The following ZBTB7C variants were observed in gnomAD, a reference collection of about 807,000 sequenced individuals.
ZBTB7C encodes the protein zinc finger and BTB domain containing 7C, also known as zinc finger and BTB domain-containing protein 7C.
In ZBTB7C, 8 loss-of-function variants were observed where a neutral mutation model predicts 25.7. That is an observed-to-expected ratio of 0.31 (90% CI 0.18 to 0.56). The LOEUF (loss-of-function observed/expected upper bound fraction) is 0.56. ZBTB7C is among the 20% of genes least tolerant of loss of function. ZBTB7C has a pLI of 0.91. For missense variants in ZBTB7C, 824 were observed against 855.2 expected (o/e 0.96, Z 0.46); for synonymous variants, 394 against 369.0 (o/e 1.07, Z -0.78).
chr18:48,029,946 G>C (rs1378144686), intron 4 of ZBTB7C, 35 bp from the exon 5 acceptor site: 1 of 1,606,702 alleles, frequency 6.2e-7, no homozygotes, highest in South Asian at 1.1e-5. Context: ...GTCCCGCAGG[G>C]AACACCAGGA....
rs201496229 is a variant in ZBTB7C at position 48,296,923 on chromosome 18, C to T, written c.-79+41251G>A. Among the ~76,000 whole-genome samples, 33 of 152,328 alleles carry T rather than the reference C, an allele frequency of 2.2e-4. No individual in the cohort carries two copies. In the East Asian group the frequency reaches 6.0e-3, roughly 28 times the overall value. Reference sequence around the variant, plus strand: ...TTCAAGACCAGCGTGGGCAACATGGCCAAACCCCGTCTCTACTAAAAGCAC... The same window carrying T: ...TTCAAGACCAGCGTGGGCAACATGGTCAAACCCCGTCTCTACTAAAAGCAC... On this transcript the variant is annotated intron_variant, in intron 2 of 4. Coordinates refer to ENST00000590800, the MANE Select transcript of ZBTB7C (RefSeq NM_001318841.2).
At chr18:48,393,415 C>T (rs1265417042) in intron 1 of ZBTB7C, among the ~76,000 whole-genome samples, 1 of 152,062 alleles carries the variant, frequency 6.6e-6, no homozygotes, top group Non-Finnish European at 1.5e-5. Flanking sequence ...CACGGCCTCA[C>T]CAACACCCTC....
rs918160386 is a variant in ZBTB7C at position 48,195,871 on chromosome 18, CT to C, written c.-78-9877del. 3.1e-4 allele frequency among the ~76,000 whole-genome samples: 47 copies of C among 151,146 alleles called. 2 individuals are homozygous for C. The highest frequency in any genetic ancestry group is 5.6e-4 in the Non-Finnish European group (38 of 67,712). On this transcript the variant is annotated intron_variant, in intron 2 of 4. Coordinates refer to ENST00000590800, the MANE Select transcript of ZBTB7C (RefSeq NM_001318841.2). ...TTAGTTTTCATAGAAATATTTTCTT[CT>C]TTTTTTTTGCAACAGTATTTAATTG...
At chr18:48,152,734 G>A (rs531089041) in intron 3 of ZBTB7C, among the ~76,000 whole-genome samples, 8 of 152,310 alleles carry the variant, frequency 5.3e-5, no homozygotes, top group Non-Finnish European at 1.0e-4. Context: ...ATTTGGTTTC[G>A]CAACTTTTCC....
chr18:48,161,800 G>A (rs1011969368), intron 3 of ZBTB7C, among the ~76,000 whole-genome samples: 2 of 147,546 alleles, frequency 1.4e-5, no homozygotes, highest in African/African-American at 5.1e-5. Context: ...TCCACTCTGC[G>A]CCCCCGCGGC....
At chr18:48,335,978 A>G (rs772228048) in intron 2 of ZBTB7C, among the ~76,000 whole-genome samples, 3 of 152,116 alleles carry the variant, frequency 2.0e-5, no homozygotes, top group Non-Finnish European at 4.4e-5. Context: ...ACCTCACTCC[A>G]GGTCACAAGT....
chr18:48,228,495 C>T (rs778711993), intron 2 of ZBTB7C, among the ~76,000 whole-genome samples: 6 of 152,110 alleles, frequency 3.9e-5, no homozygotes, highest in Non-Finnish European at 8.8e-5. Flanking sequence ...GCCTCTCTGT[C>T]TCTCACCCCT....
chr18:48,100,298 C>T (rs4939729), intron 3 of ZBTB7C, among the ~76,000 whole-genome samples: 25,384 of 152,202 alleles, frequency 0.17, 2,536 homozygotes, highest in Admixed American at 0.23. Context: ...ACAGACTTGC[C>T]TGTGACAGGC....
intron 2 of ZBTB7C, among the ~76,000 whole-genome samples, chr18:48,324,051 A>G (rs1027533741): frequency 1.3e-5 from 2 of 152,190 alleles, no homozygotes; most frequent in Non-Finnish European, 2.9e-5. Context: ...GGAAGGCACC[A>G]TCTATGAGAA....
At chr18:48,373,714 A>C (rs140499444) in intron 1 of ZBTB7C, among the ~76,000 whole-genome samples, 15,957 of 152,208 alleles carry the variant, frequency 0.1, 993 homozygotes, top group Non-Finnish European at 0.14. Flanking sequence ...GTAATCCCAG[A>C]ACTTTGGGAG....
chr18:48,331,893 C>A (rs761394092), intron 2 of ZBTB7C, among the ~76,000 whole-genome samples: 1 of 152,048 alleles, frequency 6.6e-6, no homozygotes, highest in Non-Finnish European at 1.5e-5. Flanking sequence ...CAAAGAGACA[C>A]AAAATGTTTG....
intron 3 of ZBTB7C, among the ~76,000 whole-genome samples, chr18:48,145,532 T>A (rs1042678047): frequency 2.6e-5 from 4 of 152,226 alleles, no homozygotes. Flanking sequence ...TCCACAAATA[T>A]TGGTAAAAAG....
chr18:48,408,098 G>A (rs1178255120), intron 1 of ZBTB7C, among the ~76,000 whole-genome samples: 4 of 152,160 alleles, frequency 2.6e-5, no homozygotes, highest in African/African-American at 9.7e-5. Flanking sequence ...CTAGCCTTGC[G>A]CATGGTCCAG....
intron 2 of ZBTB7C, among the ~76,000 whole-genome samples, chr18:48,298,490 T>A (rs1396867063): frequency 6.6e-6 from 1 of 152,048 alleles, no homozygotes; most frequent in Non-Finnish European, 1.5e-5. Context: ...CACCTCCACA[T>A]AGGGACACAT....
chr18:48,041,238 G>A (rs1334090906), intron 3 of ZBTB7C, 115 bp from the exon 4 acceptor site: 1 of 1,434,560 alleles, frequency 7.0e-7, no homozygotes, highest in South Asian at 1.5e-5. Flanking sequence ...CCACTGCAAG[G>A]CCAGTCCTCC....
At position 48,250,174 on chromosome 18, in the gene ZBTB7C, C is replaced by T. The variant is rs555882785; in HGVS notation, c.-78-64179G>A. ...AGTGGTTCCACTGATCCAGAACCCCCAACATCTTTGAAAACAAGCACAGCT... is the reference window on the plus strand; with the variant it reads ...AGTGGTTCCACTGATCCAGAACCCCTAACATCTTTGAAAACAAGCACAGCT... On this transcript the variant is annotated intron_variant, in intron 2 of 4. Transcript: ENST00000590800. Among the ~76,000 whole-genome samples, 18 of 152,280 alleles carry T rather than the reference C, an allele frequency of 1.2e-4. No homozygotes were observed. The East Asian group carries it at 2.1e-3, about 18-fold the overall frequency.
At chr18:48,051,024 C>T in intron 3 of ZBTB7C, among the ~76,000 whole-genome samples, 1 of 96,266 alleles carries the variant, frequency 1.0e-5, no homozygotes, top group East Asian at 2.9e-4. Context: ...TGACAGAGGT[C>T]CCAAACCTCC....
chr18:48,089,479 GA>G (rs35998953), intron 3 of ZBTB7C, among the ~76,000 whole-genome samples: 79,165 of 127,756 alleles, frequency 0.62, 23,575 homozygotes, highest in Admixed American at 0.7. Flanking sequence ...ACTCCATCTC[GA>G]AAAAAAAAAA....
intron 2 of ZBTB7C, among the ~76,000 whole-genome samples, chr18:48,272,347 T>C (rs1164257564): frequency 6.6e-6 from 1 of 152,206 alleles, no homozygotes. Context: ...AGCTTCTGGT[T>C]CTTTGGCCTT....
Sources: allele counts gnomAD v4.1 joint callset (sites outside exome capture counted in the v4.1 genomes callset), GRCh38; gene constraint gnomAD v4.1.1; transcripts MANE v1.5; gene names NCBI Gene and HGNC (gene_info 2026-07-23, HGNC 2026-07-21).